The following TRPM5 variants were observed in gnomAD, a reference collection of about 807,000 sequenced individuals.
The protein encoded by TRPM5 is MLSN1 and TRP-related.
TRPM5 carries 121 observed loss-of-function variants against 124.9 expected under a neutral mutation model. The observed-to-expected ratio is 0.97, with a 90% CI of 0.84 to 1.13. The LOEUF (loss-of-function observed/expected upper bound fraction) is 1.13, where lower values mean the gene tolerates loss of function less well. Ranked by LOEUF, TRPM5 falls within the 50% of genes most tolerant of loss-of-function variation. The pLI is 0.00. For missense variants in TRPM5, 1,643 were observed against 1,589.1 expected (o/e 1.03, Z -0.58); for synonymous variants, 781 against 700.5 (o/e 1.11, Z -1.81).
chr11:2,410,227 G>A (rs1850417397), intron 18 of TRPM5, among the ~76,000 whole-genome samples: 1 of 152,224 alleles, frequency 6.6e-6, no homozygotes, highest in Non-Finnish European at 1.5e-5. Flanking sequence ...GAGCCGCGCT[G>A]GGAGAGGCGG....
chr11:2,412,338 A>AGGATCAGGGTTCAGAGTGCCATGG, intron 15 of TRPM5, 85 bp from the exon 21 acceptor site: 2 of 1,018,566 alleles, frequency 2.0e-6, no homozygotes, highest in Non-Finnish European at 1.5e-6. Flanking sequence ...TGGATCTGTA[A>AGGATCAGGGTTCAGAGTGCCATGG]GGATCAGGGT....
At chr11:2,418,852 C>T (rs906661169) in intron 4 of TRPM5, among the ~76,000 whole-genome samples, 7 of 152,194 alleles carry the variant, frequency 4.6e-5, no homozygotes, top group Admixed American at 1.3e-4. Context: ...CACAAAGTGA[C>T]GTGGAAGAAA....
chr11:2,405,875 C>G, intron 22 of TRPM5, 144 bp downstream of exon 27: 1 of 780,848 alleles, frequency 1.3e-6, no homozygotes, highest in South Asian at 1.7e-5. Context: ...CCCCAGAACG[C>G]TCCTCTGCCC....
At chr11:2,437,814 C>T in the TRPM5 span, among the ~76,000 whole-genome samples, 13 of 152,194 alleles carry the variant, frequency 8.5e-5, no homozygotes, top group East Asian at 1.5e-3. The surrounding 1 kb of genome is among the most constrained non-coding windows in gnomAD (Gnocchi z 5.6). Flanking sequence ...CTGAGCTGAC[C>T]GGTCTTTATG....
In TRPM5 at chr11:2,414,181, G is replaced by T; in HGVS notation, c.1770C>A (p.Asn590Lys). The T allele has an allele frequency of 3.7e-6, 6 of 1,610,016 alleles. No individual in the cohort carries two copies. The South Asian group carries it at 6.6e-5, about 18-fold the overall frequency. ...GCAGGGCGAAGGCGCGGGCCTCACT[G>T]TTGCTGTAGCACTCGGAGAAGAGGT... The change falls in exon 12 of 24, where the codon AAC becomes AAA. Residue 590 changes from asparagine (N) to lysine (K), a missense_variant. Asn to Lys is a moderately conservative substitution (Grantham distance 94). Transcript: ENST00000155858.
chr11:2,413,979 TG>T, intron 12 of TRPM5, 81 bp downstream of exon 17: 1 of 1,518,944 alleles, frequency 6.6e-7, no homozygotes, highest in Non-Finnish European at 8.9e-7. Flanking sequence ...AGCTGCAGGC[TG>T]GGAAGTCAAC....
exon 14 of TRPM5, chr11:2,413,190 C>G: frequency 6.4e-7 from 1 of 1,551,354 alleles, no homozygotes; most frequent in South Asian, 1.2e-5. Context: ...CCAGGTCCTG[C>G]AGGTCCTCCA....
At chr11:2,416,147 GA>G (rs1845671203) in intron 7 of TRPM5, 123 bp from the exon 13 acceptor site, 1 of 598,698 alleles carries the variant, frequency 1.7e-6, no homozygotes, top group Admixed American at 2.7e-5. Context: ...GCTGGGACTT[GA>G]GGGGGCACAT....
rs766928655 is a variant in TRPM5 at position 2,422,185 on chromosome 11, C to T, written c.254G>A (p.Arg85Gln). ...CACCAGCCCCTTGCGCAGCACATCC[C>T]GCAGCCAGGACTTCATGGCGAAAGG... The change falls in exon 2 of 24, where the codon CGG becomes CAG. Residue 85 changes from arginine to glutamine, a missense_variant. Physicochemically the swap from Arg to Gln is conservative, Grantham distance 43. Transcript: ENST00000155858. 4.9e-5 allele frequency: 79 copies of T among 1,611,902 alleles called. No individual in the cohort carries two copies. The highest frequency in any genetic ancestry group is 6.1e-5 in the Non-Finnish European group (72 of 1,179,554).
intron 18 of TRPM5, among the ~76,000 whole-genome samples, chr11:2,410,030 A>G (rs1850413056): frequency 6.6e-6 from 1 of 152,212 alleles, no homozygotes; most frequent in Non-Finnish European, 1.5e-5. Context: ...GCGCCCGTCT[A>G]GAGCTCCTCC....
chr11:2,418,070 G>T, intron 6 of TRPM5, 97 bp downstream of exon 11: 1 of 1,186,322 alleles, frequency 8.4e-7, no homozygotes, highest in Non-Finnish European at 1.2e-6. Flanking sequence ...TGAGGTGGGA[G>T]GAGTGGGCTG....
the TRPM5 span, among the ~76,000 whole-genome samples, chr11:2,436,580 G>A: frequency 6.6e-6 from 1 of 152,098 alleles, no homozygotes; most frequent in Non-Finnish European, 1.5e-5. Flanking sequence ...CCAGGGCTGG[G>A]GAGGCCTCAG....
At chr11:2,418,225 T>C (rs1485832604) in exon 6 of TRPM5, 1 of 1,586,114 alleles carries the variant, frequency 6.3e-7, no homozygotes, top group East Asian at 2.3e-5. Context: ...GAACTTCTCC[T>C]TAAACTGCTT....
chr11:2,415,921 C>A (rs746628234), exon 8 of TRPM5: 4 of 1,575,768 alleles, frequency 2.5e-6, no homozygotes, highest in Non-Finnish European at 8.6e-7. Flanking sequence ...ACTCCACGTC[C>A]CCATTGAAGA....
At chr11:2,421,285 G>C in intron 2 of TRPM5, 87 bp from the exon 8 acceptor site, 3 of 1,425,452 alleles carry the variant, frequency 2.1e-6, no homozygotes, top group Non-Finnish European at 2.8e-6. Flanking sequence ...GGCCCAATCA[G>C]CAGCCAGTTA....
In TRPM5 at chr11:2,404,984, C is replaced by G. The variant is rs915788141; in HGVS notation, c.3451G>C (p.Asp1151His). ...CCAGCCCCGGGTTGTTCCCAGCCAT[C>G]TAAACCACCTCTGTGGTCAGCAGCC... The change falls in exon 24 of 24, where the codon GAT (aspartate) becomes CAT (histidine). Residue 1151 changes from aspartate (D) to histidine (H), a missense_variant. Physicochemically the swap from Asp to His is moderately conservative, Grantham distance 81 (BLOSUM62 -1). Coordinates refer to ENST00000155858, the Ensembl canonical transcript of TRPM5. 9 of 1,612,684 alleles carry G rather than the reference C, an allele frequency of 5.6e-6. No individual in the cohort carries two copies. Among genetic ancestry groups the G allele is most frequent in the Non-Finnish European group, 7.6e-6 (9 of 1,179,948 alleles).
rs149547300 is a variant in TRPM5 at position 2,422,251 on chromosome 11, G to A, written c.188C>T (p.Pro63Leu). Residue 63 changes from proline to leucine, a missense_variant, in exon 2 of 24, where the codon CCG (proline) becomes CTG (leucine). By Grantham distance (98) the Pro-to-Leu change is moderately conservative. Transcript: ENST00000155858. Reference sequence around the variant, plus strand: ...CAGGGACACCACCAGGTTGGGGGCCGGCAGGTGCCACTCAGCAAGCAGCAG... The same window carrying A: ...CAGGGACACCACCAGGTTGGGGGCCAGCAGGTGCCACTCAGCAAGCAGCAG... 3.4e-4 allele frequency: 551 copies of A among 1,612,382 alleles called. 1 individual carries two copies. Among genetic ancestry groups the A allele is most frequent in the Non-Finnish European group, 4.4e-4 (522 of 1,179,788 alleles).
Position 2,418,306 on chromosome 11 carries a change from G to C in TRPM5, c.767C>G (p.Ser256Trp). The C allele has an allele frequency of 6.4e-7, 1 of 1,572,352 alleles. No homozygotes were observed. The highest frequency in any genetic ancestry group is 8.6e-7 in the Non-Finnish European group (1 of 1,159,880). ...AGCAAGCACATCGGCGATGCCCCCCGAGCCTACCAGGATCAGCCACGGGGC... is the reference window on the plus strand; with the variant it reads ...AGCAAGCACATCGGCGATGCCCCCCCAGCCTACCAGGATCAGCCACGGGGC... Residue 256 changes from serine to tryptophan, a missense_variant, in exon 6 of 24, where the codon TCG becomes TGG. Coordinates refer to ENST00000155858, the Ensembl canonical transcript of TRPM5.
At chr11:2,411,558 C>T (rs1850451792) in intron 17 of TRPM5, 32 bp from the exon 23 acceptor site, 8 of 1,607,548 alleles carry the variant, frequency 5.0e-6, no homozygotes, top group African/African-American at 1.3e-5. Flanking sequence ...AGAGGGACGT[C>T]AGCGGCCAGC....
Sources: allele counts gnomAD v4.1 joint callset (sites outside exome capture counted in the v4.1 genomes callset), GRCh38; gene constraint gnomAD v4.1.1; non-coding constraint Gnocchi (gnomAD v3.1); transcripts MANE v1.5; gene names NCBI Gene and HGNC (gene_info 2026-07-23, HGNC 2026-07-21).